The following UBXN2B variants were observed in gnomAD, a reference collection of about 807,000 sequenced individuals.
UBXN2B encodes UBX domain protein 2B, also known as UBX domain-containing protein 2B.
UBXN2B carries 19 observed loss-of-function variants against 37.5 expected under a neutral mutation model. The ratio of observed to expected loss-of-function variants is 0.51; its 90% confidence interval spans 0.35 to 0.74. The LOEUF (loss-of-function observed/expected upper bound fraction) is 0.74, where lower values mean the gene tolerates loss of function less well. Ranked by LOEUF, UBXN2B falls within the 30% of genes least tolerant of loss-of-function variation. UBXN2B has a pLI of 0.01. For missense variants in UBXN2B, 370 were observed against 393.2 expected (o/e 0.94, Z 0.50); for synonymous variants, 145 against 143.8 (o/e 1.01, Z -0.06).
intron 7 of UBXN2B, among the ~76,000 whole-genome samples, chr8:58,447,120 C>A (rs1425186135): frequency 1.3e-5 from 2 of 151,988 alleles, no homozygotes; most frequent in African/African-American, 2.4e-5. Context: ...TTTAAAATAA[C>A]AACATTAGTA....
In UBXN2B at chr8:58,447,468, C is replaced by A; in HGVS notation, c.913C>A (p.Pro305Thr). Residue 305 changes from proline to threonine, a missense_variant, in exon 8 of 8, where the codon CCG (proline) becomes ACG (threonine). Pro to Thr is a conservative substitution (Grantham distance 38, BLOSUM62 -1). Transcript: ENST00000399598. ...ALDFILVTSF[P>T]NKELTDESLT... ...TGACTTTATTCTTGTGACTTCATTT[C>A]CGAATAAAGAGCTAACAGATGAAAG... The A allele has an allele frequency of 4.3e-6, 7 of 1,613,400 alleles. No individual in the cohort carries two copies. Among genetic ancestry groups the A allele is most frequent in the Non-Finnish European group, 5.9e-6 (7 of 1,179,608 alleles).
chr8:58,437,582 C>T (rs1808447214), intron 5 of UBXN2B, among the ~76,000 whole-genome samples: 1 of 152,044 alleles, frequency 6.6e-6, no homozygotes, highest in South Asian at 2.1e-4. Flanking sequence ...CTTGGCCTCC[C>T]AAAGTGCTGG....
At chr8:58,435,911 A>G (rs1260137811) in intron 5 of UBXN2B, among the ~76,000 whole-genome samples, 1 of 151,840 alleles carries the variant, frequency 6.6e-6, no homozygotes, top group Non-Finnish European at 1.5e-5. Flanking sequence ...ATTTTGTAAA[A>G]CCATCTACAC....
At chr8:58,416,060 A>G (rs1807774566) in intron 1 of UBXN2B, among the ~76,000 whole-genome samples, 1 of 149,116 alleles carries the variant, frequency 6.7e-6, no homozygotes, top group Non-Finnish European at 1.5e-5. Flanking sequence ...GTTTTTTTTG[A>G]AAAAAACAAA....
intron 7 of UBXN2B, among the ~76,000 whole-genome samples, chr8:58,446,923 A>G (rs1024010209): frequency 3.3e-5 from 5 of 150,288 alleles, no homozygotes; most frequent in African/African-American, 1.2e-4. Flanking sequence ...CAGCCTCTTG[A>G]GTAGCTGGGA....
At position 58,437,318 on chromosome 8, in the gene UBXN2B, C is replaced by CTTTTTTTT. The variant is rs773987509; in HGVS notation, c.534-2295_534-2288dup. ...CTAGGGTACCTGGTGGAAGAAATTT[C>CTTTTTTTT]TTTTTTTTTTTTTTTTTTTTTTTTT... On this transcript the variant is annotated intron_variant, in intron 5 of 7. Coordinates refer to ENST00000399598, the MANE Select transcript of UBXN2B (RefSeq NM_001077619.2). Among the ~76,000 whole-genome samples the CTTTTTTTT allele has an allele frequency of 1.2e-4, 9 of 74,264 alleles. 1 individual carries two copies. Among genetic ancestry groups the CTTTTTTTT allele is most frequent in the African/African-American group, 3.9e-4 (7 of 17,852 alleles). The allele number at this position is 74,264 out of a possible 152,430, so 48.7% of individuals were successfully genotyped here.
rs762811465 is a variant in UBXN2B at position 58,449,313 on chromosome 8, C to G, written c.*1762C>G. 4.0e-5 allele frequency: 6 copies of G among 151,526 alleles called. 1 individual carries two copies. The Admixed American group carries it at 4.0e-4, about 10-fold the overall frequency. 9.4% of individuals were successfully genotyped at this position (151,526 alleles called of 1,614,324 possible). On this transcript the variant is annotated 3_prime_UTR_variant, in exon 8 of 8. Coordinates refer to ENST00000399598, the MANE Select transcript of UBXN2B (RefSeq NM_001077619.2). ...CCTACTACAGTTCCCACCCACCCCC[C>G]GCTCCACTCCTGTGTTAAAGATTCA...
chr8:58,435,226 A>G, intron 5 of UBXN2B: 1 of 854,988 alleles, frequency 1.2e-6, no homozygotes, highest in South Asian at 2.8e-5. Flanking sequence ...AGAGTTATAT[A>G]TACAGGGTTA....
chr8:58,429,390 C>A (rs1171726794), intron 2 of UBXN2B, among the ~76,000 whole-genome samples: 2 of 152,258 alleles, frequency 1.3e-5, no homozygotes, highest in East Asian at 3.9e-4. Flanking sequence ...CTACTCTGGA[C>A]CCTTGAGTGT....
intron 2 of UBXN2B, chr8:58,426,108 G>A (rs1007549128): frequency 6.7e-6 from 9 of 1,348,678 alleles, no homozygotes; most frequent in East Asian, 2.3e-5. Flanking sequence ...TCTTTTAATT[G>A]CCCGTGATGT....
At chr8:58,417,095 G>T in intron 2 of UBXN2B, 142 bp downstream of exon 2, 1 of 620,102 alleles carries the variant, frequency 1.6e-6, no homozygotes, top group Non-Finnish European at 2.5e-6. Context: ...AGGCAGATTT[G>T]GATAAAAAAT....
rs1808327363 is a variant in UBXN2B at position 58,433,231 on chromosome 8, TC to T, written c.412del (p.Gln138SerfsTer18). 7 of 1,610,320 alleles carry T rather than the reference TC, an allele frequency of 4.3e-6. No individual in the cohort carries two copies. Among genetic ancestry groups the T allele is most frequent in the Non-Finnish European group, 5.9e-6 (7 of 1,178,052 alleles). On this transcript the variant is annotated frameshift_variant, in exon 4 of 8. Transcript: ENST00000399598. LOFTEE classifies it high-confidence loss of function. ...KRSEYIYGENQLQDVQILLKL... is the reference protein window; with the variant it reads ...KRSEYIYGENXLQDVQILLKL... Reference sequence around the variant, plus strand: ...GGTCTGAATATATCTATGGAGAAAATCAGCTGCAAGATGTAGGTACAATAAT... The same window carrying T: ...GGTCTGAATATATCTATGGAGAAAATAGCTGCAAGATGTAGGTACAATAAT...
intron 4 of UBXN2B, among the ~76,000 whole-genome samples, chr8:58,434,027 G>A (rs1268351056): frequency 6.6e-6 from 1 of 152,082 alleles, no homozygotes; most frequent in Admixed American, 6.6e-5. Flanking sequence ...GAGTATGGGT[G>A]CAGATGAAGG....
At chr8:58,437,255 C>T (rs986749535) in intron 5 of UBXN2B, among the ~76,000 whole-genome samples, 16 of 151,244 alleles carry the variant, frequency 1.1e-4, no homozygotes, top group African/African-American at 3.9e-4. Flanking sequence ...TGTCCATACC[C>T]TAAGGCTTTG....
chr8:58,414,344 T>G (rs1196780446), intron 1 of UBXN2B, among the ~76,000 whole-genome samples: 1 of 152,214 alleles, frequency 6.6e-6, no homozygotes, highest in Non-Finnish European at 1.5e-5. Flanking sequence ...TAATAATCAT[T>G]TATTACAGCG....
At chr8:58,424,890 G>C in intron 2 of UBXN2B, 1 of 1,040,816 alleles carries the variant, frequency 9.6e-7, no homozygotes, top group Non-Finnish European at 1.5e-6. Context: ...GCACCATCTG[G>C]ATAGTTTTGA....
Position 58,449,435 on chromosome 8 carries a change from T to C in UBXN2B, c.*1884T>C, listed in dbSNP as rs929086618. On this transcript the variant is annotated 3_prime_UTR_variant, in exon 8 of 8. Transcript: ENST00000399598. ...CTAAATCCAAAATCTTATCTGAGTC[T>C]CACCAACTCAAAAGTCTCAAATCTC... 6.6e-6 allele frequency: 1 copy of C among 152,156 alleles called. No homozygotes were observed. The highest frequency in any genetic ancestry group is 2.4e-5 in the African/African-American group (1 of 41,432). 9.4% of individuals were successfully genotyped at this position (152,156 alleles called of 1,614,324 possible). A position where few individuals can be genotyped will look rare whatever the true frequency, so the allele number is the denominator to read the frequency against.
chr8:58,417,900 CGAG>C (rs1807825136), intron 2 of UBXN2B, among the ~76,000 whole-genome samples: 1 of 152,060 alleles, frequency 6.6e-6, no homozygotes, highest in South Asian at 2.1e-4. Context: ...ATGAGTCTCC[CGAG>C]AAGAAGCACA....
intron 5 of UBXN2B, among the ~76,000 whole-genome samples, chr8:58,438,197 G>A (rs1006694243): frequency 2.6e-5 from 4 of 152,244 alleles, no homozygotes; most frequent in African/African-American, 9.6e-5. Context: ...CAGGCACACA[G>A]AATGCACAAG....
Sources: gnomAD v4.1 joint callset for allele counts (sites outside exome capture counted in the v4.1 genomes callset) on GRCh38, gnomAD v4.1.1 for gene constraint, MANE v1.5 for transcripts, NCBI Gene and HGNC (gene_info 2026-07-23, HGNC 2026-07-21) for gene names.